The following ZNF251 variants were observed in gnomAD, a reference collection of about 807,000 sequenced individuals.
ZNF251 encodes the protein zinc finger protein 251.
ZNF251 carries 14 observed loss-of-function variants against 13.5 expected under a neutral mutation model. That is an observed-to-expected ratio of 1.04 (90% CI 0.69 to 1.63). The LOEUF (loss-of-function observed/expected upper bound fraction) is 1.63, where lower values mean the gene tolerates loss of function less well. Among genes scored for constraint, ZNF251 ranks in the 40% most tolerant of loss-of-function variants. The pLI is 0.00. For synonymous variants in ZNF251, 287 were observed against 295.2 expected (o/e 0.97, Z 0.28); for missense variants, 764 against 834.9 (o/e 0.92, Z 1.05).
chr8:144,744,432 C>T (rs1383708300), intron 4 of ZNF251, among the ~76,000 whole-genome samples: 1 of 152,074 alleles, frequency 6.6e-6, no homozygotes, highest in Non-Finnish European at 1.5e-5. Flanking sequence ...CTAGAAGTTT[C>T]ACAGTTTTGT....
intron 4 of ZNF251, among the ~76,000 whole-genome samples, chr8:144,732,005 C>T (rs543054904): frequency 4.7e-5 from 7 of 149,840 alleles, no homozygotes; most frequent in East Asian, 2.0e-4. Flanking sequence ...TGCAATGATG[C>T]GATCTCAACT....
intron 4 of ZNF251, chr8:144,738,432 A>T: frequency 2.3e-6 from 1 of 432,088 alleles, no homozygotes; most frequent in Non-Finnish European, 3.1e-6. Flanking sequence ...GACACCTCCC[A>T]CCCAGCACAG....
intron 4 of ZNF251, among the ~76,000 whole-genome samples, chr8:144,745,867 T>C (rs564850981): frequency 1.6e-4 from 25 of 152,136 alleles, no homozygotes; most frequent in African/African-American, 4.1e-4. Context: ...GTGATTGAGA[T>C]TGTGTTGAAT....
At chr8:144,732,954 G>A (rs1381871025) in intron 4 of ZNF251, among the ~76,000 whole-genome samples, 1 of 152,114 alleles carries the variant, frequency 6.6e-6, no homozygotes, top group African/African-American at 2.4e-5. Flanking sequence ...AGGCGGGGTG[G>A]CTCACACCTG....
chr8:144,753,723 C>A lies in ZNF251; in HGVS notation c.237G>T (p.Leu79=). 6.3e-7 allele frequency: 1 copy of A among 1,598,194 alleles called. No homozygotes were observed. Among genetic ancestry groups the A allele is most frequent in the East Asian group, 2.3e-5 (1 of 44,412 alleles). ...QGKELWVLNL[L]GAEEPDILKS... ...TCAAGATATCTGGTTCCTCAGCTCC[C>A]AGAAGATTCAGGACCCAAAGTTCCT... The change falls in exon 4 of 5, where the codon CTG becomes CTT. Residue 79 remains leucine (L), a synonymous_variant. Coordinates refer to ENST00000292562, the MANE Select transcript of ZNF251 (RefSeq NM_138367.2).
chr8:144,748,704 G>A (rs1278718761), intron 4 of ZNF251, among the ~76,000 whole-genome samples: 1 of 152,046 alleles, frequency 6.6e-6, no homozygotes, highest in Non-Finnish European at 1.5e-5. Flanking sequence ...GAGACTTATA[G>A]GTACACAACA....
In ZNF251 at chr8:144,755,526, G is replaced by A. The variant is rs1214290483; in HGVS notation, c.-197C>T. On this transcript the variant is annotated 5_prime_UTR_variant, in exon 1 of 5. Transcript: ENST00000292562. ...AGCCGGGGAGGGGGCGGGCTAGGAT[G>A]AAGAGGGCGGGCCGGGCCGAGCTGC... The A allele has an allele frequency of 7.8e-7, 1 of 1,284,992 alleles. No individual in the cohort carries two copies. Among genetic ancestry groups the A allele is most frequent in the Non-Finnish European group, 1.0e-6 (1 of 987,584 alleles). 79.6% of individuals were successfully genotyped at this position (1,284,992 alleles called of 1,614,324 possible). A position where few individuals can be genotyped will look rare whatever the true frequency, so the allele number is the denominator to read the frequency against.
chr8:144,737,985 ACC>A (rs1823981994), intron 4 of ZNF251, among the ~76,000 whole-genome samples: 1 of 152,104 alleles, frequency 6.6e-6, no homozygotes, highest in Admixed American at 6.6e-5. Context: ...TGACACTGTT[ACC>A]ACCCACAGGT....
At chr8:144,729,983 G>A in intron 4 of ZNF251, 1 of 942,800 alleles carries the variant, frequency 1.1e-6, no homozygotes, top group Non-Finnish European at 1.3e-6. Context: ...GCAGGGCTGA[G>A]CCCACCCAGG....
intron 4 of ZNF251, among the ~76,000 whole-genome samples, chr8:144,750,846 GTTTTTTTTTTTTCTTT>G (rs1824658839): frequency 7.1e-6 from 1 of 141,314 alleles, no homozygotes; most frequent in African/African-American, 2.6e-5. Flanking sequence ...TCTCTCCAGA[GTTTTTTTTTTTTCTTT>G]TTTTTTTTTT....
chr8:144,749,450 C>T (rs934781049), intron 4 of ZNF251, among the ~76,000 whole-genome samples: 26 of 152,040 alleles, frequency 1.7e-4, no homozygotes, highest in African/African-American at 5.3e-4. Flanking sequence ...TGTGCCACTG[C>T]ACTCCACCCT....
intron 4 of ZNF251, among the ~76,000 whole-genome samples, chr8:144,733,788 C>T (rs1010532703): frequency 6.6e-6 from 1 of 152,096 alleles, no homozygotes; most frequent in Non-Finnish European, 1.5e-5. Context: ...TATTTTCCAT[C>T]TTGTGTCTGA....
At chr8:144,745,747 C>T (rs1370575966) in intron 4 of ZNF251, among the ~76,000 whole-genome samples, 1 of 152,074 alleles carries the variant, frequency 6.6e-6, no homozygotes, top group African/African-American at 2.4e-5. Context: ...TGGGGTCTCA[C>T]TATGTTGCCT....
At chr8:144,738,085 A>G (rs1175195727) in intron 4 of ZNF251, among the ~76,000 whole-genome samples, 2 of 152,114 alleles carry the variant, frequency 1.3e-5, no homozygotes, top group African/African-American at 4.8e-5. Flanking sequence ...CTTTTCTGCC[A>G]TAACCTATAA....
chr8:144,729,122 C>T (rs1281949195), intron 4 of ZNF251, among the ~76,000 whole-genome samples: 1 of 147,762 alleles, frequency 6.8e-6, no homozygotes, highest in Non-Finnish European at 1.5e-5. Flanking sequence ...GCAGTATCTG[C>T]AAAGCCACAA....
intron 1 of ZNF251, chr8:144,755,117 C>T: frequency 8.2e-7 from 1 of 1,221,038 alleles, no homozygotes; most frequent in Non-Finnish European, 1.0e-6. Flanking sequence ...CAAAGAGCCA[C>T]GTGAGGGTGC....
chr8:144,749,884 CTT>C (rs58426780), intron 4 of ZNF251, among the ~76,000 whole-genome samples: 96 of 128,326 alleles, frequency 7.5e-4, no homozygotes, highest in Non-Finnish European at 8.0e-4. Context: ...TCTTTTTTTT[CTT>C]TTTTTTTTTT....
chr8:144,726,291 T>C (rs564579471), intron 4 of ZNF251, among the ~76,000 whole-genome samples: 1 of 151,386 alleles, frequency 6.6e-6, no homozygotes, highest in Non-Finnish European at 1.5e-5. Flanking sequence ...CCCAGCACTT[T>C]GGGAGGCAGA....
intron 4 of ZNF251, among the ~76,000 whole-genome samples, chr8:144,729,613 G>A (rs2129947877): frequency 6.6e-6 from 1 of 152,146 alleles, no homozygotes; most frequent in East Asian, 2.0e-4. Flanking sequence ...TGGGATCACA[G>A]GCGTGAGCTA....
Sources: gnomAD v4.1 joint callset for allele counts (sites outside exome capture counted in the v4.1 genomes callset) on GRCh38, gnomAD v4.1.1 for gene constraint, MANE v1.5 for transcripts, NCBI Gene and HGNC (gene_info 2026-07-23, HGNC 2026-07-21) for gene names.